HTR3B: variants seen among roughly 807,000 people sequenced by gnomAD.
HTR3B encodes 5-hydroxytryptamine (serotonin) receptor 3B, ionotropic.
Under a neutral mutation model 42.8 loss-of-function variants are expected in HTR3B, and 44 were observed. The ratio of observed to expected loss-of-function variants is 1.03; its 90% CI spans 0.81 to 1.32. The LOEUF (loss-of-function observed/expected upper bound fraction) is 1.32, where lower values mean the gene tolerates loss of function less well. Among genes scored for constraint, HTR3B ranks in the 40% most tolerant of loss-of-function variants. HTR3B has a pLI of 0.00. For synonymous variants in HTR3B, 203 were observed against 209.0 expected (o/e 0.97, Z 0.25); for missense variants, 527 against 536.5 (o/e 0.98, Z 0.17).
intron 1 of HTR3B, among the ~76,000 whole-genome samples, chr11:113,906,687 G>A (rs1370368177): frequency 1.3e-5 from 2 of 152,070 alleles, no homozygotes; most frequent in East Asian, 3.9e-4. Flanking sequence ...CTTGGACTTC[G>A]AATCCAGACC....
Position 113,948,157 on chromosome 11 carries a change from A to G in HTR3B, c.*2020A>G, listed in dbSNP as rs1299577478. Among the ~76,000 whole-genome samples, 1 of 152,128 alleles carries G rather than the reference A, an allele frequency of 6.6e-6. No individual in the cohort carries two copies. The highest frequency in any genetic ancestry group is 6.6e-5 in the Admixed American group (1 of 15,264). On this transcript the variant is annotated 3_prime_UTR_variant, in exon 9 of 9. Transcript: ENST00000260191. ...ACAGGAAGTGTCCATGCAAACCTCC[A>G]CCTGTTTCCTTCCTCACTTCCTACT...
intron 8 of HTR3B, among the ~76,000 whole-genome samples, chr11:113,945,174 G>T (rs1056255423): frequency 6.6e-6 from 1 of 152,078 alleles, no homozygotes; most frequent in African/African-American, 2.4e-5. Context: ...TCGCTCTGTC[G>T]CCCAGGCTTG....
chr11:113,911,699 A>T (rs961979199), intron 2 of HTR3B, among the ~76,000 whole-genome samples: 1 of 147,232 alleles, frequency 6.8e-6, no homozygotes, highest in African/African-American at 2.5e-5. Flanking sequence ...GCTTATTTTT[A>T]TATTTTTTAG....
chr11:113,940,309 T>C (rs773058848), intron 6 of HTR3B, among the ~76,000 whole-genome samples: 48 of 152,212 alleles, frequency 3.2e-4, no homozygotes, highest in Non-Finnish European at 3.7e-4. Flanking sequence ...TTCCCATTTC[T>C]ACCCTCCAGA....
chr11:113,907,837 C>T (rs763050433), intron 1 of HTR3B, among the ~76,000 whole-genome samples: 1 of 152,150 alleles, frequency 6.6e-6, no homozygotes, highest in Non-Finnish European at 1.5e-5. Context: ...GCGAGGTAAA[C>T]GTGAAGCTGC....
intron 5 of HTR3B, 129 bp downstream of exon 5, chr11:113,932,587 G>A: frequency 1.2e-6 from 1 of 831,936 alleles, no homozygotes; most frequent in South Asian, 1.8e-5. Flanking sequence ...TCTTCTTGCG[G>A]TTTTTTGGCT....
intron 2 of HTR3B, among the ~76,000 whole-genome samples, chr11:113,910,469 C>T (rs1321091036): frequency 2.1e-5 from 3 of 144,994 alleles, no homozygotes; most frequent in African/African-American, 5.2e-5. Flanking sequence ...GAGACGGAGT[C>T]TCTCTCTGTC....
At chr11:113,912,097 G>A (rs892306020) in intron 2 of HTR3B, among the ~76,000 whole-genome samples, 3 of 152,162 alleles carry the variant, frequency 2.0e-5, no homozygotes, top group African/African-American at 4.8e-5. Flanking sequence ...TTAATAAGTA[G>A]TATTCAGTTA....
In HTR3B at chr11:113,931,405, A is replaced by G. The variant is rs757911213; in HGVS notation, c.235A>G (p.Lys79Glu). ...GCAGGATGCAGAGAATCAAATATTAAAGACAAGTGTATGGTACCAAGAGGT... is the reference window on the plus strand; with the variant it reads ...GCAGGATGCAGAGAATCAAATATTAGAGACAAGTGTATGGTACCAAGAGGT... ...LDVDAENQIL[K>E]TSVWYQEVWN... is the part of the protein sequence containing the mutation. Residue 79 changes from lysine (K) to glutamate (E), a missense_variant, in exon 3 of 9, where the codon AAG becomes GAG. Coordinates refer to ENST00000260191, the MANE Select transcript of HTR3B (RefSeq NM_006028.5). 1 of 1,602,456 alleles carries G rather than the reference A, an allele frequency of 6.2e-7. No individual in the cohort carries two copies. The highest frequency in any genetic ancestry group is 1.3e-5 in the African/African-American group (1 of 74,622).
At chr11:113,906,629 T>C (rs1374018046) in intron 1 of HTR3B, among the ~76,000 whole-genome samples, 1 of 152,196 alleles carries the variant, frequency 6.6e-6, no homozygotes, top group Non-Finnish European at 1.5e-5. Context: ...TTCCTGATAT[T>C]CTCAGGGAGC....
intron 2 of HTR3B, among the ~76,000 whole-genome samples, chr11:113,926,466 T>C (rs562987495): frequency 6.8e-6 from 1 of 147,086 alleles, no homozygotes; most frequent in South Asian, 2.1e-4. Flanking sequence ...TCCTTTCCTT[T>C]CTTTTCCTTT....
chr11:113,912,694 C>T (rs1185191139), intron 2 of HTR3B, among the ~76,000 whole-genome samples: 3 of 152,160 alleles, frequency 2.0e-5, no homozygotes, highest in Non-Finnish European at 4.4e-5. Context: ...GCTACACATC[C>T]CTGCCAACAT....
chr11:113,931,584 C>T lies in HTR3B; in HGVS notation c.258+156C>T, dbSNP rs777265933. Among the ~76,000 whole-genome samples, 28 of 152,244 alleles carry T rather than the reference C, an allele frequency of 1.8e-4. No individual in the cohort carries two copies. The Middle Eastern group carries it at 0.01, about 55-fold the overall frequency. On this transcript the variant is annotated intron_variant, in intron 3 of 8. Coordinates refer to ENST00000260191, the MANE Select transcript of HTR3B (RefSeq NM_006028.5). ...TATAATTCATTTAAGATGTATGGCC[C>T]TGGTTTCTGGTTGGGACTACCATCT...
At chr11:113,944,860 T>A in intron 8 of HTR3B, 105 bp downstream of exon 8, 1 of 1,011,874 alleles carries the variant, frequency 9.9e-7, no homozygotes, top group Non-Finnish European at 1.4e-6. Context: ...GTGAAAAACC[T>A]ACAACAACTG....
chr11:113,928,324 C>T (rs556416450), intron 2 of HTR3B, among the ~76,000 whole-genome samples: 6 of 152,046 alleles, frequency 3.9e-5, no homozygotes, highest in South Asian at 2.1e-4. Context: ...TTTGCTATTG[C>T]GAACAGTGAA....
In HTR3B at chr11:113,904,867, G is replaced by C. The variant is rs1395980316; in HGVS notation, c.-67G>C. 3.2e-6 allele frequency: 4 copies of C among 1,241,844 alleles called. No homozygotes were observed. Among genetic ancestry groups the C allele is most frequent in the Non-Finnish European group, 4.8e-6 (4 of 840,792 alleles). The allele number at this position is 1,241,844 out of a possible 1,614,324, so 76.9% of individuals were successfully genotyped here. A position where few individuals can be genotyped will look rare whatever the true frequency, so the allele number is the denominator to read the frequency against. On this transcript the variant is annotated 5_prime_UTR_variant, in exon 1 of 9. Transcript: ENST00000260191. The stretch of plus-strand genomic sequence containing the variant: ...ACAGAGTGGAGAGGAACCCTGTTAG[G>C]AGAAATTGAGCGGCATTCCATCTGG...
intron 2 of HTR3B, among the ~76,000 whole-genome samples, chr11:113,919,144 A>G (rs1798056002): frequency 6.6e-6 from 1 of 152,142 alleles, no homozygotes; most frequent in African/African-American, 2.4e-5. Flanking sequence ...TTAGCTTTTT[A>G]GCGATCCATC....
chr11:113,931,733 T>A, intron 3 of HTR3B, 25 bp from the exon 4 acceptor site: 1 of 1,367,082 alleles, frequency 7.3e-7, no homozygotes, highest in Non-Finnish European at 1.0e-6. Flanking sequence ...TTTTGATAAG[T>A]TTTCTTTTTG....
upstream of HTR3B, among the ~76,000 whole-genome samples, chr11:113,903,976 T>C (rs1296960451): frequency 6.6e-6 from 1 of 152,172 alleles, no homozygotes; most frequent in Admixed American, 6.5e-5. Context: ...AATATATACT[T>C]TCCCCCCTTC....
Sources: gnomAD v4.1 joint callset for allele counts (sites outside exome capture counted in the v4.1 genomes callset) on GRCh38, gnomAD v4.1.1 for gene constraint, MANE v1.5 for transcripts, NCBI Gene and HGNC (gene_info 2026-07-23, HGNC 2026-07-21) for gene names.